The following TMEM40 variants were observed in gnomAD, a reference collection of about 807,000 sequenced individuals.
TMEM40 encodes the protein transmembrane protein 40.
A neutral mutation model predicts 40.8 loss-of-function variants in TMEM40; 34 were observed. The observed-to-expected ratio is 0.83, with a 90% CI of 0.63 to 1.11. The LOEUF is 1.11. Ranked by LOEUF, TMEM40 falls within the 50% of genes least tolerant of loss-of-function variation. TMEM40 has a pLI of 0.00. For missense variants in TMEM40, 296 were observed against 280.2 expected (o/e 1.06, Z -0.40); for synonymous variants, 106 against 107.0 (o/e 0.99, Z 0.06).
intron 1 of TMEM40, among the ~76,000 whole-genome samples, chr3:12,758,294 C>T (rs530578245): frequency 1.6e-4 from 24 of 152,206 alleles, no homozygotes; most frequent in Middle Eastern, 3.2e-3. Flanking sequence ...ACCACTCCCA[C>T]TAACACACAC....
At chr3:12,749,898 A>G (rs1052359012) in intron 1 of TMEM40, 58 bp from the exon 2 acceptor site, 2 of 1,460,006 alleles carry the variant, frequency 1.4e-6, no homozygotes, top group South Asian at 1.2e-5. Context: ...CTTAATATAC[A>G]AAGAGCTTGG....
chr3:12,736,200 G>C (rs931894467), intron 10 of TMEM40, among the ~76,000 whole-genome samples: 6 of 151,088 alleles, frequency 4.0e-5, no homozygotes, highest in African/African-American at 1.5e-4. Context: ...CCAGGCTGGA[G>C]TGCAGTGGCA....
chr3:12,749,867 T>G, intron 1 of TMEM40, 27 bp from the exon 2 acceptor site: 7 of 1,589,588 alleles, frequency 4.4e-6, no homozygotes, highest in Non-Finnish European at 6.0e-6. Context: ...AATCAGTAGT[T>G]AATATCACCT....
intron 1 of TMEM40, among the ~76,000 whole-genome samples, chr3:12,768,955 G>C (rs1220271710): frequency 6.8e-6 from 1 of 146,076 alleles, no homozygotes; most frequent in East Asian, 2.0e-4. Flanking sequence ...GGGGGGGCGG[G>C]GGGGCGCGGC....
chr3:12,738,876 C>T (rs1462439803), intron 5 of TMEM40: 13 of 392,078 alleles, frequency 3.3e-5, no homozygotes, highest in African/African-American at 2.0e-4. Context: ...AAGTTTGGGC[C>T]GCACGCGGTG....
intron 1 of TMEM40, among the ~76,000 whole-genome samples, chr3:12,768,747 C>CG (rs933135795): frequency 6.6e-6 from 1 of 152,100 alleles, no homozygotes; most frequent in Non-Finnish European, 1.5e-5. Context: ...GATCCCGCAC[C>CG]GGGGGCCGCA....
intron 10 of TMEM40, 116 bp from the exon 11 acceptor site, chr3:12,735,733 G>A: frequency 1.2e-6 from 1 of 810,544 alleles, no homozygotes; most frequent in Non-Finnish European, 2.0e-6. Context: ...GGAACTTCAG[G>A]CAGCAGGTTA....
upstream of TMEM40, among the ~76,000 whole-genome samples, chr3:12,762,266 T>A (rs997289954): frequency 6.6e-6 from 1 of 152,240 alleles, no homozygotes; most frequent in Non-Finnish European, 1.5e-5. Flanking sequence ...CCAAAGCACC[T>A]GGTCTGGATA....
At chr3:12,756,213 A>C (rs1457049794) in intron 1 of TMEM40, among the ~76,000 whole-genome samples, 1 of 152,146 alleles carries the variant, frequency 6.6e-6, no homozygotes, top group African/African-American at 2.4e-5. Context: ...AATAATGAGA[A>C]ACAATTTGAA....
intron 7 of TMEM40, 86 bp from the exon 8 acceptor site, chr3:12,737,840 T>C: frequency 1.5e-6 from 2 of 1,333,988 alleles, no homozygotes; most frequent in Non-Finnish European, 2.2e-6. Context: ...TGAGAATTAA[T>C]ATCCTGGGTA....
At position 12,733,708 on chromosome 3, in the gene TMEM40, A is replaced by G. The variant is rs1437975459; in HGVS notation, c.*1066T>C. 2 of 152,064 alleles carry G rather than the reference A, an allele frequency of 1.3e-5. No individual in the cohort carries two copies. The highest frequency in any genetic ancestry group is 2.1e-4 in the South Asian group (1 of 4,824). The allele number at this position is 152,064 out of a possible 1,614,324, so 9.4% of individuals were successfully genotyped here. A position where few individuals can be genotyped will look rare whatever the true frequency, so the allele number is the denominator to read the frequency against. On this transcript the variant is annotated 3_prime_UTR_variant, in exon 12 of 12. Coordinates refer to ENST00000314124, the MANE Select transcript of TMEM40 (RefSeq NM_018306.4). Reference sequence around the variant, plus strand: ...AACTCAGTTCAAGTTCAGGATATCAATCACATAGCATGGTGACCATAGTTA... The same window carrying G: ...AACTCAGTTCAAGTTCAGGATATCAGTCACATAGCATGGTGACCATAGTTA...
chr3:12,746,829 A>T (rs1255155177), intron 3 of TMEM40, among the ~76,000 whole-genome samples: 1 of 152,160 alleles, frequency 6.6e-6, no homozygotes, highest in Non-Finnish European at 1.5e-5. Context: ...GATTATGGTC[A>T]CATGGGGGAC....
chr3:12,757,212 G>A (rs1258042624), intron 1 of TMEM40, among the ~76,000 whole-genome samples: 1 of 152,184 alleles, frequency 6.6e-6, no homozygotes, highest in East Asian at 1.9e-4. Flanking sequence ...GCTCATGTCT[G>A]TAATCCCAGC....
At chr3:12,768,279 C>T (rs947477930) in intron 1 of TMEM40, among the ~76,000 whole-genome samples, 3 of 152,114 alleles carry the variant, frequency 2.0e-5, no homozygotes, top group Non-Finnish European at 4.4e-5. Context: ...ATAAAGCCAG[C>T]GTGGACCCAA....
Position 12,768,902 on chromosome 3 carries a change from CA to C in TMEM40, c.-9+348del, listed in dbSNP as rs1463221892. On this transcript the variant is annotated intron_variant, in intron 1 of 11. Transcript: ENST00000264728. ...GAGCCCATGGCGGGGCGGGGCGGGGCAGGGCGGGCCGGGGCCGGGGCCGGGG... is the reference window on the plus strand; with the variant it reads ...GAGCCCATGGCGGGGCGGGGCGGGGCGGGCGGGCCGGGGCCGGGGCCGGGG... Among the ~76,000 whole-genome samples the C allele has an allele frequency of 8.8e-3, 499 of 56,974 alleles. 8 individuals are homozygous for C. The highest frequency in any genetic ancestry group is 0.018 in the African/African-American group (409 of 22,454). The allele number at this position is 56,974 out of a possible 152,430, so 37.4% of individuals were successfully genotyped here.
rs1313260472 is a variant in TMEM40 at position 12,734,150 on chromosome 3, G to C, written c.*624C>G. 1 of 152,196 alleles carries C rather than the reference G, an allele frequency of 6.6e-6. No individual in the cohort carries two copies. Among genetic ancestry groups the C allele is most frequent in the Non-Finnish European group, 1.5e-5 (1 of 68,106 alleles). The allele number at this position is 152,196 out of a possible 1,614,324, so 9.4% of individuals were successfully genotyped here. On this transcript the variant is annotated 3_prime_UTR_variant, in exon 12 of 12. Coordinates refer to ENST00000314124, the MANE Select transcript of TMEM40 (RefSeq NM_018306.4). ...GTTGGTCTTGAACTCTCAGCTTCAAGCGACCCTTAGCCTGAGCCTCCCAAA... is the reference window on the plus strand; with the variant it reads ...GTTGGTCTTGAACTCTCAGCTTCAACCGACCCTTAGCCTGAGCCTCCCAAA...
At chr3:12,764,374 CGTGGCTGGGAA>C (rs755044801) in intron 1 of TMEM40, among the ~76,000 whole-genome samples, 90 of 152,282 alleles carry the variant, frequency 5.9e-4, no homozygotes, top group Non-Finnish European at 9.8e-4. Context: ...CTCAAGGTCA[CGTGGCTGGGAA>C]GTGGCTGCGT....
At chr3:12,760,892 C>T (rs542173709), upstream of TMEM40, among the ~76,000 whole-genome samples, 1 of 152,174 alleles carries the variant, frequency 6.6e-6, no homozygotes, top group East Asian at 1.9e-4. Context: ...CAGGCATGCA[C>T]CCCCACGCCT....
intron 3 of TMEM40, among the ~76,000 whole-genome samples, chr3:12,745,398 C>T (rs2061419714): frequency 6.6e-6 from 1 of 152,094 alleles, no homozygotes. Context: ...CTAGAGACAA[C>T]TGCCATCAAT....
Sources: allele counts gnomAD v4.1 joint callset (sites outside exome capture counted in the v4.1 genomes callset), GRCh38; gene constraint gnomAD v4.1.1; transcripts MANE v1.5; gene names NCBI Gene and HGNC (gene_info 2026-07-23, HGNC 2026-07-21).